The following MIA2 variants were observed in gnomAD, a reference collection of about 807,000 sequenced individuals.
MIA2 encodes MIA SH3 domain ER export factor 2, also known as melanoma inhibitory activity protein 2.
A neutral mutation model predicts 167.8 loss-of-function variants in MIA2; 127 were observed. The ratio of observed to expected loss-of-function variants is 0.76; its 90% CI spans 0.66 to 0.88. The LOEUF (loss-of-function observed/expected upper bound fraction) is 0.88. MIA2 is among the 40% of genes least tolerant of loss of function. MIA2 has a pLI of 0.00. For missense variants in MIA2, 1,690 were observed against 1,624.7 expected, an observed-to-expected ratio of 1.04 and a Z score of -0.69; for synonymous variants, 552 against 541.9, an observed-to-expected ratio of 1.02 and a Z score of -0.26.
At position 39,237,020 on chromosome 14, in the gene MIA2, C is replaced by G. The variant is rs1295658111; in HGVS notation, c.214C>G (p.Leu72Val). The change falls in exon 2 of 29, where the codon CTT becomes GTT. Residue 72 changes from leucine (L) to valine (V), a missense_variant. Leu to Val is a conservative substitution (Grantham distance 32). Transcript: ENST00000640607. Reference sequence around the variant, plus strand: ...AGAAGAGATATCTGTTTATGTTAAACTTGCAGGAGAAAGGGAAGATTTGTG... The same window carrying G: ...AGAAGAGATATCTGTTTATGTTAAAGTTGCAGGAGAAAGGGAAGATTTGTG... ...KGEEISVYVK[L>V]AGEREDLWAG... 2 of 1,613,940 alleles carry G rather than the reference C, an allele frequency of 1.2e-6. No homozygotes were observed. Among genetic ancestry groups the G allele is most frequent in the Non-Finnish European group, 1.7e-6 (2 of 1,179,980 alleles).
At chr14:39,380,733 T>C (rs2075141620) in intron 23 of MIA2, among the ~76,000 whole-genome samples, 1 of 143,272 alleles carries the variant, frequency 7.0e-6, no homozygotes, top group South Asian at 2.2e-4. Flanking sequence ...AAGTCAAACA[T>C]AAAATTATAG....
In MIA2 at chr14:39,247,772, A is replaced by G. The variant is rs1167518465; in HGVS notation, c.1198A>G (p.Arg400Gly). The G allele has an allele frequency of 2.5e-6, 4 of 1,613,630 alleles. No individual in the cohort carries two copies. The highest frequency in any genetic ancestry group is 1.1e-5 in the South Asian group (1 of 90,910). The change falls in exon 4 of 29, where the codon AGG (arginine) becomes GGG (glycine). Residue 400 changes from arginine to glycine, a missense_variant. Transcript: ENST00000640607. ...AKEDKIMLDD[R>G]KNEEDGGADE... ...GGAAGATAAAATTATGTTAGATGACAGGAAAAATGAAGAAGATGGTGGGGC... is the reference window on the plus strand; with the variant it reads ...GGAAGATAAAATTATGTTAGATGACGGGAAAAATGAAGAAGATGGTGGGGC...
chr14:39,301,372 ATTGTT>A (rs976011834), intron 14 of MIA2, among the ~76,000 whole-genome samples: 86 of 152,174 alleles, frequency 5.7e-4, no homozygotes, highest in African/African-American at 1.9e-3. Context: ...GCTGTGGCAT[ATTGTT>A]TTATTTATTT....
rs1490285880 is a variant in MIA2, at chr14:39,260,778, T to C, written c.1887+7607T>C. ...TTTGGTGTTTTATTCATGAAGTCCT[T>C]GTCCATGCCTATGTCCTGAATGGTA... is the stretch of plus-strand genomic sequence containing the variant. On this transcript the variant is annotated intron_variant, in intron 6 of 28. Transcript: ENST00000640607. 2.0e-5 allele frequency among the ~76,000 whole-genome samples: 3 copies of C among 152,336 alleles called. No homozygotes were observed. The East Asian group carries it at 5.8e-4, about 29-fold the overall frequency.
intron 18 of MIA2, among the ~76,000 whole-genome samples, chr14:39,309,696 G>A (rs1005276084): frequency 5.3e-5 from 8 of 151,994 alleles, no homozygotes; most frequent in Non-Finnish European, 1.0e-4. Flanking sequence ...TCTTCCTTAT[G>A]TTAAATACAA....
At chr14:39,288,456 TATATATATATATATATA>T (rs2060174135) in intron 9 of MIA2, among the ~76,000 whole-genome samples, 17 of 14,336 alleles carry the variant, frequency 1.2e-3, no homozygotes, top group Middle Eastern at 0.013. Context: ...TATATATATA[TATATATATATATATATA>T]TATTTTTTTT....
chr14:39,260,324 C>T (rs912827964), intron 6 of MIA2, among the ~76,000 whole-genome samples: 1 of 152,202 alleles, frequency 6.6e-6, no homozygotes, highest in Non-Finnish European at 1.5e-5. Context: ...GTCCCACCAA[C>T]AGTGTAAAAG....
intron 6 of MIA2, among the ~76,000 whole-genome samples, chr14:39,269,372 A>T (rs757930501): frequency 6.6e-6 from 1 of 151,574 alleles, no homozygotes; most frequent in Admixed American, 6.6e-5. Context: ...GACAACCACT[A>T]ATCTATTTTC....
intron 15 of MIA2, among the ~76,000 whole-genome samples, chr14:39,302,766 A>G (rs2062727028): frequency 1.3e-5 from 2 of 152,160 alleles, no homozygotes; most frequent in Non-Finnish European, 2.9e-5. Flanking sequence ...TAGCCCCTTA[A>G]TGTATTCTCA....
At chr14:39,331,033 ATCTG>A (rs1165879713) in intron 25 of MIA2, among the ~76,000 whole-genome samples, 3 of 152,118 alleles carry the variant, frequency 2.0e-5, no homozygotes, top group African/African-American at 7.2e-5. Context: ...TGTCTCGTTG[ATCTG>A]TCTAATATTG....
In MIA2 at chr14:39,253,169, A is replaced by T; in HGVS notation, c.1885A>T (p.Arg629Trp). The change falls in exon 6 of 29, where the codon AGG becomes TGG. Residue 629 changes from arginine (R) to tryptophan (W), a missense_variant and splice_region_variant. Arg to Trp is a moderately radical substitution (Grantham distance 101, BLOSUM62 -3). Transcript: ENST00000640607. ...TTCACCAATTGTAATTCTTACAGAA[A>T]GGGTAAGTTTGCCTTTTAAACCTTT... ...AFSPIVILTE[R>W]VVAALPEGMR... 1.2e-6 allele frequency: 2 copies of T among 1,609,040 alleles called. No individual in the cohort carries two copies. The highest frequency in any genetic ancestry group is 1.7e-6 in the Non-Finnish European group (2 of 1,177,058).
rs1288810195 is a variant in MIA2, at chr14:39,277,017, T to C, written c.1971T>C (p.Val657=). 6.2e-7 allele frequency: 1 copy of C among 1,613,940 alleles called. No individual in the cohort carries two copies. The highest frequency in any genetic ancestry group is 1.7e-5 in the Admixed American group (1 of 60,018). ...FPWELVICAA[V]VGFFAVLFFL... ...GGGAATTGGTGATATGTGCAGCTGTTGTTGGATTTTTTGCTGTTCTCTTTT... is the reference window on the plus strand; with the variant it reads ...GGGAATTGGTGATATGTGCAGCTGTCGTTGGATTTTTTGCTGTTCTCTTTT... Residue 657 remains valine, a synonymous_variant, in exon 7 of 29, where the codon GTT becomes GTC. Transcript: ENST00000640607.
chr14:39,358,606 C>G (rs1464598507), intron 23 of MIA2, among the ~76,000 whole-genome samples: 1 of 152,116 alleles, frequency 6.6e-6, no homozygotes, highest in Non-Finnish European at 1.5e-5. Context: ...GAGCTGTGTT[C>G]CTTTGGAGGA....
intron 23 of MIA2, among the ~76,000 whole-genome samples, chr14:39,357,567 T>G (rs894380999): frequency 5.3e-5 from 8 of 152,196 alleles, no homozygotes. Flanking sequence ...AGGTTAATAT[T>G]GTTATGTGTG....
intron 6 of MIA2, chr14:39,266,656 C>T: frequency 1.0e-6 from 1 of 985,586 alleles, no homozygotes; most frequent in Non-Finnish European, 1.2e-6. Context: ...GGCGCACCGG[C>T]GCGTGCCCCG....
intron 18 of MIA2, among the ~76,000 whole-genome samples, chr14:39,310,528 A>G (rs912427195): frequency 4.6e-5 from 7 of 152,296 alleles, no homozygotes; most frequent in African/African-American, 1.7e-4. Flanking sequence ...ACAAGGTTAT[A>G]TATTGATTGG....
chr14:39,284,675 C>T (rs1180143973), intron 9 of MIA2, among the ~76,000 whole-genome samples: 2 of 151,802 alleles, frequency 1.3e-5, no homozygotes, highest in Non-Finnish European at 1.5e-5. Flanking sequence ...GATCTTTCAC[C>T]TCCTTGGTTG....
chr14:39,260,552 T>A (rs956416819), intron 6 of MIA2, among the ~76,000 whole-genome samples: 2 of 152,210 alleles, frequency 1.3e-5, no homozygotes. Flanking sequence ...TTTGATGAAA[T>A]GGTTTGATTT....
At chr14:39,378,391 TG>T (rs1459884198) in intron 23 of MIA2, among the ~76,000 whole-genome samples, 1 of 152,240 alleles carries the variant, frequency 6.6e-6, no homozygotes, top group Admixed American at 6.5e-5. Flanking sequence ...ATGAGAGTGC[TG>T]GAAGTTTTCC....
Sources: allele counts gnomAD v4.1 joint callset (sites outside exome capture counted in the v4.1 genomes callset), GRCh38; gene constraint gnomAD v4.1.1; transcripts MANE v1.5; gene names NCBI Gene and HGNC (gene_info 2026-07-23, HGNC 2026-07-21).